Variants in SPSB4 observed in about 807,000 individuals in gnomAD.
SPSB4 encodes the protein SPRY domain-containing SOCS box protein 4.
A neutral mutation model predicts 20.9 loss-of-function variants in SPSB4; 21 were observed. The ratio of observed to expected loss-of-function variants is 1.01; its 90% CI spans 0.71 to 1.45. The LOEUF (loss-of-function observed/expected upper bound fraction) is 1.45. Ranked by LOEUF, SPSB4 falls within the 40% of genes most tolerant of loss-of-function variation. SPSB4 has a pLI of 0.00. For missense variants in SPSB4, 399 were observed against 399.2 expected, an observed-to-expected ratio of 1.00 and a Z score of 0.00; for synonymous variants, 207 against 183.8, an observed-to-expected ratio of 1.13 and a Z score of -1.02.
chr3:141,091,780 C>T (rs1173290650), intron 2 of SPSB4, among the ~76,000 whole-genome samples: 1 of 152,238 alleles, frequency 6.6e-6, no homozygotes, highest in Non-Finnish European at 1.5e-5. Flanking sequence ...GCACTGCCCA[C>T]TACAGGTGGT....
chr3:141,087,635 C>T (rs537564559), intron 2 of SPSB4, among the ~76,000 whole-genome samples: 1 of 152,304 alleles, frequency 6.6e-6, no homozygotes, highest in South Asian at 2.1e-4. Context: ...AGCAAACAGC[C>T]TCGGAAGGTC....
intron 2 of SPSB4, among the ~76,000 whole-genome samples, chr3:141,121,973 A>G (rs1373957952): frequency 3.3e-5 from 5 of 152,194 alleles, no homozygotes; most frequent in South Asian, 2.1e-4. Context: ...AGGATCTGCA[A>G]TCCTTTAGAG....
intron 2 of SPSB4, among the ~76,000 whole-genome samples, chr3:141,069,058 CA>C (rs1937943600): frequency 6.6e-6 from 1 of 152,158 alleles, no homozygotes; most frequent in Non-Finnish European, 1.5e-5. Flanking sequence ...ATCTAGGAGG[CA>C]AGAGAGGCCA....
Position 141,147,467 on chromosome 3 carries a change from G to A in SPSB4, c.*198G>A, listed in dbSNP as rs550613307. 2.1e-5 allele frequency: 18 copies of A among 843,450 alleles called. No homozygotes were observed. Among genetic ancestry groups the A allele is most frequent in the South Asian group, 8.0e-5 (4 of 49,860 alleles). 52.2% of individuals were successfully genotyped at this position (843,450 alleles called of 1,614,324 possible). On this transcript the variant is annotated 3_prime_UTR_variant, in exon 3 of 3. Coordinates refer to ENST00000310546, the MANE Select transcript of SPSB4 (RefSeq NM_080862.3). ...CTTGCCAACAGTATCTACTGCCCTC[G>A]AGGCAGCCCTCCCAAGTCAGACACC...
At position 141,130,971 on chromosome 3, in the gene SPSB4, A is replaced by G. The variant is rs113456071; in HGVS notation, c.695-16171A>G. 9.4e-4 allele frequency among the ~76,000 whole-genome samples: 143 copies of G among 152,358 alleles called. 3 individuals carry two copies. The highest frequency in any genetic ancestry group is 3.4e-3 in the African/African-American group (140 of 41,570). ...GCTCCAGGAAATCTTCATCAAGAGC[A>G]GAACATTGTTGTCAATTAGGATGAT... On this transcript the variant is annotated intron_variant, in intron 2 of 2. Transcript: ENST00000310546.
Position 141,061,833 on chromosome 3 carries a change from T to G in SPSB4, c.-153-4119T>G, listed in dbSNP as rs973350333. Among the ~76,000 whole-genome samples the G allele has an allele frequency of 8.6e-5, 13 of 151,806 alleles. No individual in the cohort carries two copies. In the South Asian group the frequency reaches 1.9e-3, roughly 22 times the overall value. ...TTACTGCAACCTCCACCTCCTGGGT[T>G]AAAGCAGTCCTCCCACCTCAGCCTC... On this transcript the variant is annotated intron_variant, in intron 1 of 2. Transcript: ENST00000310546.
At chr3:141,071,480 AT>A (rs61678316) in intron 2 of SPSB4, among the ~76,000 whole-genome samples, 45,961 of 148,916 alleles carry the variant, frequency 0.31, 10,649 homozygotes, top group African/African-American at 0.65. Flanking sequence ...GATTTTACTC[AT>A]TTTTTTTTTC....
intron 2 of SPSB4, among the ~76,000 whole-genome samples, chr3:141,085,584 A>C (rs1938324290): frequency 6.6e-6 from 1 of 152,258 alleles, no homozygotes; most frequent in Admixed American, 6.5e-5. Flanking sequence ...TTCTGTGCAT[A>C]GCCCAATGGC....
intron 2 of SPSB4, among the ~76,000 whole-genome samples, chr3:141,146,110 C>T (rs1007247525): frequency 6.6e-6 from 1 of 150,948 alleles, no homozygotes; most frequent in Non-Finnish European, 1.5e-5. Context: ...TCTTCCAGAG[C>T]TGCCTCTGGT....
chr3:141,065,188 G>A (rs1382823842), intron 1 of SPSB4, among the ~76,000 whole-genome samples: 1 of 152,146 alleles, frequency 6.6e-6, no homozygotes, highest in Non-Finnish European at 1.5e-5. Context: ...ACGCAGTTCT[G>A]TCTGGCTCCA....
intron 2 of SPSB4, among the ~76,000 whole-genome samples, chr3:141,094,590 T>G (rs941451960): frequency 6.6e-6 from 1 of 152,108 alleles, no homozygotes; most frequent in Non-Finnish European, 1.5e-5. Context: ...GAAGAGAACA[T>G]GGGTTGGATA....
intron 2 of SPSB4, among the ~76,000 whole-genome samples, chr3:141,145,694 G>T (rs922158984): frequency 6.6e-6 from 1 of 152,058 alleles, no homozygotes; most frequent in Admixed American, 6.5e-5. Context: ...CAGGCTTCCA[G>T]CATACTCCTG....
At chr3:141,085,529 C>A (rs112416426) in intron 2 of SPSB4, among the ~76,000 whole-genome samples, 1 of 152,192 alleles carries the variant, frequency 6.6e-6, no homozygotes, top group Non-Finnish European at 1.5e-5. Context: ...AAGGAGGGCA[C>A]GTGACTCATC....
intron 2 of SPSB4, among the ~76,000 whole-genome samples, chr3:141,090,145 G>A (rs556911140): frequency 1.8e-4 from 28 of 152,256 alleles, no homozygotes; most frequent in Admixed American, 1.2e-3. Context: ...GTTGGTGTTA[G>A]CCCAGAATTT....
Position 141,066,163 on chromosome 3 carries a change from G to A in SPSB4, c.59G>A (p.Arg20Gln), listed in dbSNP as rs1937865864. Residue 20 changes from arginine to glutamine, a missense_variant, in exon 2 of 3, where the codon CGG becomes CAG. By Grantham distance (43) the Arg-to-Gln change is conservative. Coordinates refer to ENST00000310546, the MANE Select transcript of SPSB4 (RefSeq NM_080862.3). ...KSVEVREPAL[R>Q]PAKRELRGAE... Reference sequence around the variant, plus strand: ...GTGGAGGTGCGAGAGCCGGCGCTGCGGCCGGCCAAGCGGGAGCTGCGGGGT... The same window carrying A: ...GTGGAGGTGCGAGAGCCGGCGCTGCAGCCGGCCAAGCGGGAGCTGCGGGGT... 5.9e-6 allele frequency: 9 copies of A among 1,532,226 alleles called. No individual in the cohort carries two copies. The highest frequency in any genetic ancestry group is 2.1e-4 in the Middle Eastern group (1 of 4,866). The allele number at this position is 1,532,226 out of a possible 1,614,324, so 94.9% of individuals were successfully genotyped here. A position where few individuals can be genotyped will look rare whatever the true frequency, so the allele number is the denominator to read the frequency against.
intron 2 of SPSB4, among the ~76,000 whole-genome samples, chr3:141,087,443 T>C (rs1459585982): frequency 6.6e-6 from 1 of 152,140 alleles, no homozygotes; most frequent in East Asian, 1.9e-4. Context: ...GCAGGCCACA[T>C]AGGGAGGTAA....
intron 2 of SPSB4, among the ~76,000 whole-genome samples, chr3:141,135,462 C>T (rs528403102): frequency 1.8e-4 from 28 of 151,960 alleles, no homozygotes; most frequent in African/African-American, 5.8e-4. Context: ...CATCATTTAG[C>T]ATTAGGTATA....
intron 2 of SPSB4, among the ~76,000 whole-genome samples, chr3:141,095,536 C>A (rs1938533920): frequency 6.6e-6 from 1 of 151,964 alleles, no homozygotes; most frequent in East Asian, 2.0e-4. Context: ...CTCTGTTGTC[C>A]CCCACTGCCC....
At chr3:141,140,809 C>G (rs1939313353) in intron 2 of SPSB4, among the ~76,000 whole-genome samples, 1 of 150,076 alleles carries the variant, frequency 6.7e-6, no homozygotes, top group South Asian at 2.1e-4. Context: ...TCTGCCCGTT[C>G]TCAGATCTCA....
Sources: gnomAD v4.1 joint callset for allele counts (sites outside exome capture counted in the v4.1 genomes callset) on GRCh38, gnomAD v4.1.1 for gene constraint, MANE v1.5 for transcripts, NCBI Gene and HGNC (gene_info 2026-07-23, HGNC 2026-07-21) for gene names.